Variants in NALF1 observed in about 807,000 individuals in gnomAD.
NALF1 encodes the protein family with sequence similarity 155 member A.
A neutral mutation model predicts 48.4 loss-of-function variants in NALF1; 3 were observed. The ratio of observed to expected loss-of-function variants is 0.06; its 90% CI spans 0.03 to 0.16. The LOEUF is 0.16. Among genes scored for constraint, NALF1 ranks in the 10% least tolerant of loss-of-function variants. NALF1 has a pLI of 1.00. For synonymous variants in NALF1, 262 were observed against 245.7 expected (o/e 1.07, Z -0.62); for missense variants, 526 against 571.5 (o/e 0.92, Z 0.81).
rs145644193 is a variant in NALF1, at chr13:107,466,868, G to A, written c.916-256113C>T. 4.9e-4 allele frequency among the ~76,000 whole-genome samples: 74 copies of A among 151,942 alleles called. No individual in the cohort carries two copies. The East Asian group carries it at 9.5e-3, about 20-fold the overall frequency. ...TTGTTTTCTTTCAGGGTGTTGTCTC[G>A]GTTTTCCTCCCTATTTTGGAGTGTG... On this transcript the variant is annotated intron_variant, in intron 1 of 2. Coordinates refer to ENST00000375915, the MANE Select transcript of NALF1 (RefSeq NM_001080396.3).
chr13:107,210,067 T>C (rs1055793004), intron 2 of NALF1, among the ~76,000 whole-genome samples: 14 of 54,326 alleles, frequency 2.6e-4, no homozygotes, highest in Non-Finnish European at 3.9e-4. Context: ...GTGGCTCTAA[T>C]AGACACACAC....
chr13:107,322,171 AT>A (rs1882269840), intron 1 of NALF1, among the ~76,000 whole-genome samples: 2 of 152,234 alleles, frequency 1.3e-5, no homozygotes, highest in South Asian at 4.1e-4. Context: ...ATGCTCTGTA[AT>A]TCCTTATCAC....
chr13:107,282,149 T>C (rs995482989), intron 1 of NALF1, among the ~76,000 whole-genome samples: 1 of 152,188 alleles, frequency 6.6e-6, no homozygotes, highest in African/African-American at 2.4e-5. Flanking sequence ...TTATGTGGTA[T>C]AATGCATACC....
intron 1 of NALF1, among the ~76,000 whole-genome samples, chr13:107,325,889 C>T (rs9514658): frequency 0.29 from 22,415 of 76,018 alleles, 2,960 homozygotes; most frequent in Non-Finnish European, 0.32. Context: ...TATATATATA[C>T]ACACACACAC....
chr13:107,348,121 T>G (rs1307532873), intron 1 of NALF1, among the ~76,000 whole-genome samples: 1 of 152,254 alleles, frequency 6.6e-6, no homozygotes, highest in Non-Finnish European at 1.5e-5. Context: ...GTTCTGAGAT[T>G]GCTTGAAACT....
intron 1 of NALF1, among the ~76,000 whole-genome samples, chr13:107,757,386 A>G (rs9520572): frequency 0.084 from 12,525 of 149,620 alleles, 659 homozygotes; most frequent in East Asian, 0.18. Context: ...AGAGCTTCAC[A>G]TTCCAGTTAA....
chr13:107,414,622 TA>T (rs1429728025), intron 1 of NALF1, among the ~76,000 whole-genome samples: 1 of 151,920 alleles, frequency 6.6e-6, no homozygotes, highest in Non-Finnish European at 1.5e-5. Flanking sequence ...TTTCTGGGGA[TA>T]AAATTACATT....
At chr13:107,480,991 C>G (rs1290850402) in intron 1 of NALF1, among the ~76,000 whole-genome samples, 1 of 151,530 alleles carries the variant, frequency 6.6e-6, no homozygotes, top group African/African-American at 2.4e-5. Context: ...AAAAAAAAAA[C>G]TTTGATCGTT....
chr13:107,706,918 CTTTTTTTTTTT>C (rs34091754), intron 1 of NALF1, among the ~76,000 whole-genome samples: 1 of 101,302 alleles, frequency 9.9e-6, no homozygotes, highest in East Asian at 3.2e-4. Flanking sequence ...CAAGGGCATT[CTTTTTTTTTTT>C]TTTTTTTTTT....
chr13:107,654,598 C>G (rs144547953), intron 1 of NALF1, among the ~76,000 whole-genome samples: 3 of 152,056 alleles, frequency 2.0e-5, no homozygotes, highest in Non-Finnish European at 4.4e-5. Context: ...CCTATTGACA[C>G]TATTCCCAAA....
chr13:107,227,323 A>C (rs1880126565), intron 1 of NALF1, among the ~76,000 whole-genome samples: 1 of 152,194 alleles, frequency 6.6e-6, no homozygotes, highest in Admixed American at 6.5e-5. Flanking sequence ...TCTAGCATTG[A>C]GTGTGCCTAT....
rs146074183 is a variant in NALF1 at position 107,565,754 on chromosome 13, A to G, written c.915+299928T>C. ...TCTCAGGTTATGGCCTCTGTAACTT[A>G]CAACCATTAATTAGAGCTTTCTCCT... On this transcript the variant is annotated intron_variant, in intron 1 of 2. Transcript: ENST00000375915. Among the ~76,000 whole-genome samples, 818 of 152,284 alleles carry G rather than the reference A, an allele frequency of 5.4e-3. 4 individuals carry two copies. Among genetic ancestry groups the G allele is most frequent in the Non-Finnish European group, 8.0e-3 (544 of 68,012 alleles).
rs149351118 is a variant in NALF1 at position 107,389,272 on chromosome 13, A to G, written c.916-178517T>C. Reference sequence around the variant, plus strand: ...GTTGAATTGTGTCCCACAAAAAGATATGTTCGGGTCCTAACCCCCAGTACC... The same window carrying G: ...GTTGAATTGTGTCCCACAAAAAGATGTGTTCGGGTCCTAACCCCCAGTACC... On this transcript the variant is annotated intron_variant, in intron 1 of 2. Coordinates refer to ENST00000375915, the MANE Select transcript of NALF1 (RefSeq NM_001080396.3). Among the ~76,000 whole-genome samples the G allele has an allele frequency of 3.3e-5, 5 of 152,322 alleles. No individual in the cohort carries two copies. The East Asian group carries it at 9.7e-4, about 29-fold the overall frequency.
intron 1 of NALF1, among the ~76,000 whole-genome samples, chr13:107,681,383 G>A (rs1881298740): frequency 1.3e-5 from 2 of 152,102 alleles, no homozygotes; most frequent in African/African-American, 4.8e-5. Flanking sequence ...CACTGGTCTG[G>A]TGGAGCTGGG....
chr13:107,781,333 T>C (rs1291700777), intron 1 of NALF1, among the ~76,000 whole-genome samples: 1 of 152,208 alleles, frequency 6.6e-6, no homozygotes, highest in Non-Finnish European at 1.5e-5. Flanking sequence ...GCAGAGGCTG[T>C]ATTACATAAA....
chr13:107,167,337 A>T lies in NALF1; in HGVS notation c.*3160T>A, dbSNP rs1225551623. On this transcript the variant is annotated 3_prime_UTR_variant, in exon 3 of 3. Transcript: ENST00000375915. ...TCAAAATGAACATATGCACAACCTT[A>T]AGCATGCTCAAGTGTGTGCCAGGAA... The T allele has an allele frequency of 2.7e-5, 4 of 150,674 alleles. No homozygotes were observed. Among genetic ancestry groups the T allele is most frequent in the African/African-American group, 1.0e-4 (4 of 39,998 alleles). 9.3% of individuals were successfully genotyped at this position (150,674 alleles called of 1,614,324 possible). A position where few individuals can be genotyped will look rare whatever the true frequency, so the allele number is the denominator to read the frequency against.
At chr13:107,325,163 T>A (rs1882328139) in intron 1 of NALF1, among the ~76,000 whole-genome samples, 1 of 152,124 alleles carries the variant, frequency 6.6e-6, no homozygotes, top group African/African-American at 2.4e-5. Flanking sequence ...ACACAACCAT[T>A]TACTGTATTT....
At chr13:107,718,353 A>G (rs936138625) in intron 1 of NALF1, among the ~76,000 whole-genome samples, 7 of 152,290 alleles carry the variant, frequency 4.6e-5, no homozygotes, top group African/African-American at 7.2e-5. Flanking sequence ...CAGCAACTGC[A>G]CCAAACCAGT....
chr13:107,839,255 C>T (rs564249658), intron 1 of NALF1, among the ~76,000 whole-genome samples: 2 of 151,070 alleles, frequency 1.3e-5, no homozygotes, highest in Admixed American at 6.6e-5. Context: ...CATGTAAAAT[C>T]GTAGGTGTTA....
Sources: allele counts gnomAD v4.1 joint callset (sites outside exome capture counted in the v4.1 genomes callset), GRCh38; gene constraint gnomAD v4.1.1; transcripts MANE v1.5; gene names NCBI Gene and HGNC (gene_info 2026-07-23, HGNC 2026-07-21).